PRKCG: variants seen among roughly 807,000 people sequenced by gnomAD.
The protein encoded by PRKCG is protein kinase C gamma type.
A neutral mutation model predicts 82.0 loss-of-function variants in PRKCG; 28 were observed. The observed-to-expected ratio is 0.34, with a 90% CI of 0.25 to 0.47. The LOEUF (loss-of-function observed/expected upper bound fraction) is 0.47, where lower values mean the gene tolerates loss of function less well. Ranked by LOEUF, PRKCG falls within the 20% of genes least tolerant of loss-of-function variation. PRKCG has a pLI of 1.00. For missense variants in PRKCG, 640 were observed against 952.7 expected (o/e 0.67, Z 4.32); for synonymous variants, 383 against 376.6 (o/e 1.02, Z -0.20).
chr19:53,904,913 G>A (rs1227173455), intron 16 of PRKCG, among the ~76,000 whole-genome samples, 171 bp downstream of exon 16: 1 of 152,164 alleles, frequency 6.6e-6, no homozygotes, highest in Non-Finnish European at 1.5e-5. Flanking sequence ...CAGCCCTGTT[G>A]CCACGAGGCC....
rs943748630 is a variant in PRKCG, at chr19:53,883,587, T to G, written c.202+393T>G. 1.2e-5 allele frequency among the ~76,000 whole-genome samples: 1 copy of G among 84,846 alleles called. No homozygotes were observed. 55.7% of individuals were successfully genotyped at this position (84,846 alleles called of 152,430 possible). On this transcript the variant is annotated intron_variant, in intron 2 of 17. Transcript: ENST00000263431. This position sits in a 1 kb window ranked among gnomAD's most constrained non-coding sequence, Gnocchi z 5.4. ...CCGTCCTAGGCAGGGGCAGGCCGGG[T>G]GGGGTCACCAATGGGCGAGTGGGGG... is the stretch of plus-strand genomic sequence containing the variant.
Position 53,904,749 on chromosome 19 carries a change from G to A in PRKCG, c.1764+7G>A, listed in dbSNP as rs746053372. 6.2e-7 allele frequency: 1 copy of A among 1,604,812 alleles called. No individual in the cohort carries two copies. The highest frequency in any genetic ancestry group is 8.5e-7 in the Non-Finnish European group (1 of 1,172,930). On this transcript the variant is annotated splice_region_variant and intron_variant, in intron 16 of 17. Transcript: ENST00000263431. ...CGTGGCCATCTGCAAGGGGGTGAGA[G>A]CCCCCTGACTCCCAGCTTCTCCAGG...
rs866872215 is a variant in PRKCG at position 53,892,784 on chromosome 19, A to G, written c.821+141A>G. On this transcript the variant is annotated intron_variant, in intron 7 of 17. Transcript: ENST00000263431. The surrounding 1 kb of genome is among the most constrained non-coding windows in gnomAD (Gnocchi z 5.9). ...CACACACACACACACACACACACGC[A>G]CACACACGCACACACCCCTCTCTCT... 6.3e-5 allele frequency: 68 copies of G among 1,080,832 alleles called. No homozygotes were observed. The highest frequency in any genetic ancestry group is 7.3e-5 in the Non-Finnish European group (55 of 749,292). The allele number at this position is 1,080,832 out of a possible 1,614,324, so 67.0% of individuals were successfully genotyped here. A position where few individuals can be genotyped will look rare whatever the true frequency, so the allele number is the denominator to read the frequency against.
Position 53,882,516 on chromosome 19 carries a change from G to T in PRKCG, c.22G>T (p.Val8Leu), listed in dbSNP as rs1434781374. The change falls in exon 1 of 18, where the codon GTA becomes TTA. Residue 8 changes from valine to leucine, a missense_variant. By Grantham distance (32) the Val-to-Leu change is conservative. Coordinates refer to ENST00000263431, the MANE Select transcript of PRKCG (RefSeq NM_002739.5). The surrounding 1 kb of genome is among the most constrained non-coding windows in gnomAD (Gnocchi z 6.1). MAGLGPG[V>L]GDSEGGPRPL... ...GGCCATGGCTGGTCTGGGCCCCGGCGTAGGCGATTCAGAGGGGGGACCCCG... is the reference window on the plus strand; with the variant it reads ...GGCCATGGCTGGTCTGGGCCCCGGCTTAGGCGATTCAGAGGGGGGACCCCG... 2 of 1,614,120 alleles carry T rather than the reference G, an allele frequency of 1.2e-6. No individual in the cohort carries two copies. The highest frequency in any genetic ancestry group is 8.5e-7 in the Non-Finnish European group (1 of 1,179,988).
intron 15 of PRKCG, among the ~76,000 whole-genome samples, chr19:53,903,614 G>T (rs970064018): frequency 2.0e-5 from 3 of 152,046 alleles, no homozygotes; most frequent in Non-Finnish European, 2.9e-5. Context: ...ATGGTAGTGG[G>T]CACCTATAGT....
chr19:53,898,409 T>G (rs553206541), intron 10 of PRKCG, 31 bp from the exon 11 acceptor site: 4 of 1,613,458 alleles, frequency 2.5e-6, no homozygotes, highest in African/African-American at 1.3e-5. Context: ...GTTCCCAACA[T>G]GGACTGGCCC....
At chr19:53,902,917 C>T (rs913176324) in intron 14 of PRKCG, among the ~76,000 whole-genome samples, 156 bp from the exon 15 acceptor site, 4 of 88,978 alleles carry the variant, frequency 4.5e-5, no homozygotes, top group Admixed American at 2.2e-4. Context: ...AAAAAAAAAA[C>T]GAAACAAAAA....
chr19:53,904,578 GT>G (rs2068787688), intron 15 of PRKCG, 56 bp from the exon 16 acceptor site: 20 of 1,510,580 alleles, frequency 1.3e-5, no homozygotes, highest in Non-Finnish European at 1.8e-5. Flanking sequence ...GGTGTGGAAG[GT>G]TTGGGGAAAG....
intron 6 of PRKCG, 22 bp downstream of exon 6, chr19:53,891,852 G>A: frequency 6.2e-7 from 1 of 1,613,728 alleles, no homozygotes. Context: ...GTGCAGGGAA[G>A]GCAATGACAG....
Position 53,892,459 on chromosome 19 carries a change from G to C in PRKCG, c.687-50G>C. 6.3e-7 allele frequency: 1 copy of C among 1,591,786 alleles called. No individual in the cohort carries two copies. Among genetic ancestry groups the C allele is most frequent in the Non-Finnish European group, 8.5e-7 (1 of 1,173,542 alleles). ...TCCAGCACCAAGGATGGGGAACCGA[G>C]GGGAGCCATGAGCTCGGCTCTGCAC... On this transcript the variant is annotated intron_variant, in intron 6 of 17. Coordinates refer to ENST00000263431, the MANE Select transcript of PRKCG (RefSeq NM_002739.5). The surrounding 1 kb of genome is among the most constrained non-coding windows in gnomAD (Gnocchi z 5.9).
At chr19:53,885,113 A>C (rs200966389) in intron 3 of PRKCG, among the ~76,000 whole-genome samples, 3 of 152,356 alleles carry the variant, frequency 2.0e-5, no homozygotes, top group East Asian at 3.9e-4. Flanking sequence ...CTGTACATGC[A>C]CTGTCCAATA....
At chr19:53,904,577 G>C in intron 15 of PRKCG, 58 bp from the exon 16 acceptor site, 1 of 1,494,318 alleles carries the variant, frequency 6.7e-7, no homozygotes. Flanking sequence ...GGGTGTGGAA[G>C]GTTTGGGGAA....
At chr19:53,890,429 TG>T (rs2068665654) in intron 5 of PRKCG, among the ~76,000 whole-genome samples, 1 of 150,218 alleles carries the variant, frequency 6.7e-6, no homozygotes, top group Admixed American at 6.7e-5. Flanking sequence ...GCTAATTTTT[TG>T]TATTTTTAGT....
At chr19:53,897,459 C>T (rs758411122) in intron 9 of PRKCG, among the ~76,000 whole-genome samples, 1 of 152,192 alleles carries the variant, frequency 6.6e-6, no homozygotes. Flanking sequence ...CATAACGATT[C>T]TCAGGTCCCA....
Position 53,898,496 on chromosome 19 carries a change from A to G in PRKCG, c.1149A>G (p.Lys383=), listed in dbSNP as rs1178259405. Residue 383 remains lysine, a synonymous_variant, in exon 11 of 18, where the codon AAA becomes AAG. Coordinates refer to ENST00000263431, the MANE Select transcript of PRKCG (RefSeq NM_002739.5). ...SDELYAIKIL[K]KDVIVQDDDV... ...AGCTCTACGCCATCAAGATCTTGAAAAAGGACGTGATCGTCCAGGACGACG... is the reference window on the plus strand; with the variant it reads ...AGCTCTACGCCATCAAGATCTTGAAGAAGGACGTGATCGTCCAGGACGACG... The G allele has an allele frequency of 6.2e-7, 1 of 1,613,890 alleles. No individual in the cohort carries two copies. Among genetic ancestry groups the G allele is most frequent in the Non-Finnish European group, 8.5e-7 (1 of 1,180,006 alleles).
In PRKCG at chr19:53,882,551, T is replaced by C. The variant is rs1247204100; in HGVS notation, c.57T>C (p.Phe19=). The change falls in exon 1 of 18, where the codon TTT becomes TTC. Residue 19 remains phenylalanine, a synonymous_variant. Coordinates refer to ENST00000263431, the MANE Select transcript of PRKCG (RefSeq NM_002739.5). This position sits in a 1 kb window ranked among gnomAD's most constrained non-coding sequence, Gnocchi z 6.1. ...CAGAGGGGGGACCCCGGCCCCTGTTTTGCAGAAAGGGGGCCCTGAGGCAGA... is the reference window on the plus strand; with the variant it reads ...CAGAGGGGGGACCCCGGCCCCTGTTCTGCAGAAAGGGGGCCCTGAGGCAGA... ...GDSEGGPRPL[F]CRKGALRQKV... 3.1e-6 allele frequency: 5 copies of C among 1,614,136 alleles called. No homozygotes were observed. In the South Asian group the frequency reaches 3.3e-5, roughly 11 times the overall value.
At chr19:53,891,434 G>A (rs1036267462) in intron 5 of PRKCG, among the ~76,000 whole-genome samples, 1 of 140,970 alleles carries the variant, frequency 7.1e-6, no homozygotes, top group Non-Finnish European at 1.5e-5. Context: ...CTGCCACCAC[G>A]CCCAGCTAAT....
rs307946 is a variant in PRKCG, at chr19:53,889,494, C to G, written c.286-144C>G. 25,424 of 668,590 alleles carry G rather than the reference C, an allele frequency of 0.038. 1,197 individuals carry two copies. The highest frequency in any genetic ancestry group is 0.18 in the African/African-American group (10,152 of 55,012). The allele number at this position is 668,590 out of a possible 1,614,324, so 41.4% of individuals were successfully genotyped here. On this transcript the variant is annotated intron_variant, in intron 3 of 17. Coordinates refer to ENST00000263431, the MANE Select transcript of PRKCG (RefSeq NM_002739.5). This position sits in a 1 kb window ranked among gnomAD's most constrained non-coding sequence, Gnocchi z 4.4. ...CAGTCCCTGGCACACAGCAGGTGCTCAATGATTATTGGTACATAGAGTGAA... is the reference window on the plus strand; with the variant it reads ...CAGTCCCTGGCACACAGCAGGTGCTGAATGATTATTGGTACATAGAGTGAA...
rs1289502007 is a variant in PRKCG, at chr19:53,884,097, T to G, written c.203-64T>G. ...CGCTCTCTCTTTCCAATTTTCTGTC[T>G]GCTGGGGTCTCCCGCTGGACTAATC... On this transcript the variant is annotated intron_variant, in intron 2 of 17. Transcript: ENST00000263431. This position sits in a 1 kb window ranked among gnomAD's most constrained non-coding sequence, Gnocchi z 4.6. 4.6e-6 allele frequency: 7 copies of G among 1,519,780 alleles called. No individual in the cohort carries two copies. In the East Asian group the frequency reaches 1.3e-4, roughly 29 times the overall value. 94.1% of individuals were successfully genotyped at this position (1,519,780 alleles called of 1,614,324 possible). A position where few individuals can be genotyped will look rare whatever the true frequency, so the allele number is the denominator to read the frequency against.
Sources: allele counts gnomAD v4.1 joint callset (sites outside exome capture counted in the v4.1 genomes callset), GRCh38; gene constraint gnomAD v4.1.1; non-coding constraint Gnocchi (gnomAD v3.1); transcripts MANE v1.5; gene names NCBI Gene and HGNC (gene_info 2026-07-23, HGNC 2026-07-21).